The following POLE variants were observed in gnomAD, a reference collection of about 807,000 sequenced individuals.
POLE encodes DNA polymerase epsilon, catalytic subunit.
In POLE, 188 loss-of-function variants were observed where a neutral mutation model predicts 279.2. The observed-to-expected ratio is 0.67, with a 90% confidence interval of 0.60 to 0.76. The LOEUF (loss-of-function observed/expected upper bound fraction) is 0.76. POLE is among the 30% of genes least tolerant of loss of function. The pLI, the probability that POLE is intolerant of heterozygous loss-of-function variation, is 0.00. For missense variants in POLE, 2,703 were observed against 3,016.7 expected (o/e 0.90, Z 2.44); for synonymous variants, 1,214 against 1,172.5 (o/e 1.04, Z -0.72).
chr12:132,628,644 TCAAAACAAAACAAAACAAAACAAAA>T (rs113536517), intron 45 of POLE, among the ~76,000 whole-genome samples: 75,410 of 150,674 alleles, frequency 0.5, 19,435 homozygotes, highest in East Asian at 0.7. Flanking sequence ...AGGCTCCATC[TCAAAACAAAACAAAACAAAACAAAA>T]CAAAACAAAA....
At chr12:132,660,646 G>A in intron 25 of POLE, 1 of 236,142 alleles carries the variant, frequency 4.2e-6, no homozygotes, top group Admixed American at 5.4e-5. Context: ...CTGGAGTGCA[G>A]TGGTGCAGTC....
Position 132,634,069 on chromosome 12 carries a change from C to T in POLE, c.6004+117G>A, listed in dbSNP as rs1468913614. 1 of 961,646 alleles carries T rather than the reference C, an allele frequency of 1.0e-6. No homozygotes were observed. The highest frequency in any genetic ancestry group is 1.6e-5 in the African/African-American group (1 of 60,954). 59.6% of individuals were successfully genotyped at this position (961,646 alleles called of 1,614,324 possible). A position where few individuals can be genotyped will look rare whatever the true frequency, so the allele number is the denominator to read the frequency against. ...CACAAAGTCCCAACTGCTGGGCAGGCTCCGCCCGATCTGATTTTCCCTGTC... is the reference window on the plus strand; with the variant it reads ...CACAAAGTCCCAACTGCTGGGCAGGTTCCGCCCGATCTGATTTTCCCTGTC... On this transcript the variant is annotated intron_variant, in intron 43 of 48. Coordinates refer to ENST00000320574, the MANE Select transcript of POLE (RefSeq NM_006231.4). The surrounding 1 kb of genome is among the most constrained non-coding windows in gnomAD (Gnocchi z 4.0).
Position 132,673,566 on chromosome 12 carries a change from C to T in POLE, c.1359+9G>A, listed in dbSNP as rs75135381. Reference sequence around the variant, plus strand: ...GGCAGCAGGGGCAGCCGGGATGTGGCTTACGTGCCTGGGGCTGCTCCGTGG... The same window carrying T: ...GGCAGCAGGGGCAGCCGGGATGTGGTTTACGTGCCTGGGGCTGCTCCGTGG... On this transcript the variant is annotated intron_variant, in intron 13 of 48. Transcript: ENST00000320574. 8.2e-4 allele frequency: 1,314 copies of T among 1,601,796 alleles called. 9 individuals carry two copies. The African/African-American group carries it at 0.015, about 18-fold the overall frequency.
At position 132,664,588 on chromosome 12, in the gene POLE, C is replaced by A; in HGVS notation, c.2469-126G>T. 1.4e-6 allele frequency: 1 copy of A among 723,494 alleles called. No individual in the cohort carries two copies. Among genetic ancestry groups the A allele is most frequent in the Admixed American group, 2.0e-5 (1 of 49,260 alleles). 44.8% of individuals were successfully genotyped at this position (723,494 alleles called of 1,614,324 possible). The stretch of plus-strand genomic sequence containing the variant: ...GGGACAAGGGAAGCAGCCAAATGTG[C>A]GTGCACCAGGACAGAACTAAGGTGG... On this transcript the variant is annotated intron_variant, in intron 21 of 48. Transcript: ENST00000320574. This position sits in a 1 kb window ranked among gnomAD's most constrained non-coding sequence, Gnocchi z 5.3.
rs1555300726 is a variant in POLE, at chr12:132,624,757, C to G, written c.6801G>C (p.Met2267Ile). ...ACTCCAGGGTCTCCAGGAGGTACGACATGCCGTAGTGCTGGGCAATGTTCC... is the reference window on the plus strand; with the variant it reads ...ACTCCAGGGTCTCCAGGAGGTACGAGATGCCGTAGTGCTGGGCAATGTTCC... ...IFRNIAQHYG[M>I]SYLLETLEWL... Residue 2267 changes from methionine to isoleucine, a missense_variant, in exon 49 of 49, where the codon ATG becomes ATC. Met to Ile is a conservative substitution (Grantham distance 10). This residue lies in a region of POLE where 1,551 missense variants were observed against 1,686.1 expected (regional missense o/e 0.92). Transcript: ENST00000320574. 3 of 1,613,982 alleles carry G rather than the reference C, an allele frequency of 1.9e-6. No homozygotes were observed. In the Admixed American group the frequency reaches 5.0e-5, roughly 27 times the overall value.
At chr12:132,631,798 TTCACCAACACACCAAGC>T (rs2041938748) in intron 45 of POLE, among the ~76,000 whole-genome samples, 1 of 152,152 alleles carries the variant, frequency 6.6e-6, no homozygotes, top group Non-Finnish European at 1.5e-5. Flanking sequence ...CGGCTGTGCC[TTCACCAACACACCAAGC>T]TCACCCCCCA....
Position 132,675,655 on chromosome 12 carries a change from C to T in POLE, c.1106+80G>A. The T allele has an allele frequency of 1.3e-6, 2 of 1,565,986 alleles. No homozygotes were observed. Among genetic ancestry groups the T allele is most frequent in the Non-Finnish European group, 1.8e-6 (2 of 1,138,618 alleles). The stretch of plus-strand genomic sequence containing the variant: ...ACCCAGGAGCCACCTCCTAAGTCGA[C>T]ATGGGAAGCGCCCCTGCACCACGCA... On this transcript the variant is annotated intron_variant, in intron 11 of 48. Coordinates refer to ENST00000320574, the MANE Select transcript of POLE (RefSeq NM_006231.4). The surrounding 1 kb of genome is among the most constrained non-coding windows in gnomAD (Gnocchi z 4.3).
At chr12:132,645,289 T>C (rs554776277) in intron 32 of POLE, among the ~76,000 whole-genome samples, 80 of 105,578 alleles carry the variant, frequency 7.6e-4, no homozygotes, top group Middle Eastern at 6.3e-3. Context: ...GGGGGAATTC[T>C]GGAGAGGCGA....
chr12:132,687,277 T>C lies in POLE; in HGVS notation c.39A>G (p.Pro13=), dbSNP rs1555231415. The C allele has an allele frequency of 6.7e-7, 1 of 1,498,890 alleles. No homozygotes were observed. The highest frequency in any genetic ancestry group is 1.5e-5 in the African/African-American group (1 of 68,898). 92.8% of individuals were successfully genotyped at this position (1,498,890 alleles called of 1,614,324 possible). The change falls in exon 1 of 49, where the codon CCA becomes CCG. Residue 13 remains proline, a synonymous_variant. Coordinates refer to ENST00000320574, the MANE Select transcript of POLE (RefSeq NM_006231.4). ...ACCTGCTGGCCTCGCCATCCGCGCC[T>C]GGGTCCGCGCGCCGCCGCCCGCCGC... ...LRSGGRRRAD[P]GADGEASRDD... is the part of the protein sequence containing the mutation.
At chr12:132,686,701 C>G (rs989093428) in intron 1 of POLE, among the ~76,000 whole-genome samples, 1 of 152,122 alleles carries the variant, frequency 6.6e-6, no homozygotes, top group Non-Finnish European at 1.5e-5. Context: ...CGCCACTGCA[C>G]TCCAGCCTGG....
In POLE at chr12:132,643,935, A is replaced by G. The variant is rs1368082934; in HGVS notation, c.4192T>C (p.Tyr1398His). ...ATGTCCTCTGGCACTGAATACTCAT[A>G]GAGATTGTAGACCATGTTGGAGCGA... ...LPRSNMVYNL[Y>H]EYSVPEDMYQ... The change falls in exon 33 of 49, where the codon TAT becomes CAT. Residue 1398 changes from tyrosine to histidine, a missense_variant. By Grantham distance (83) the Tyr-to-His change is moderately conservative. This residue lies in a region of POLE where 1,551 missense variants were observed against 1,686.1 expected (regional missense o/e 0.92). Coordinates refer to ENST00000320574, the MANE Select transcript of POLE (RefSeq NM_006231.4). 1 of 1,613,390 alleles carries G rather than the reference A, an allele frequency of 6.2e-7. No individual in the cohort carries two copies.
chr12:132,680,026 T>G lies in POLE; in HGVS notation c.351A>C (p.Ser117=), dbSNP rs199773841. The G allele has an allele frequency of 2.5e-6, 4 of 1,613,966 alleles. No individual in the cohort carries two copies. Among genetic ancestry groups the G allele is most frequent in the Non-Finnish European group, 3.4e-6 (4 of 1,179,882 alleles). The change falls in exon 5 of 49, where the codon TCA becomes TCC. Residue 117 remains serine (S), a synonymous_variant. Coordinates refer to ENST00000320574, the MANE Select transcript of POLE (RefSeq NM_006231.4). The part of the protein sequence containing the change: ...ATRKGCEREV[S]SFLSKKFQGK... The stretch of plus-strand genomic sequence containing the variant: ...CCTGAAACTTCTTGGAGAGAAAAGA[T>G]GAAACTTCTCGCTCACAACCCTAAT...
In POLE at chr12:132,661,834, T is replaced by A. The variant is rs2135950386; in HGVS notation, c.2707-150A>T. 2.6e-6 allele frequency: 2 copies of A among 762,952 alleles called. No individual in the cohort carries two copies. Among genetic ancestry groups the A allele is most frequent in the East Asian group, 5.2e-5 (2 of 38,358 alleles). The allele number at this position is 762,952 out of a possible 1,614,324, so 47.3% of individuals were successfully genotyped here. On this transcript the variant is annotated intron_variant, in intron 23 of 48. Coordinates refer to ENST00000320574, the MANE Select transcript of POLE (RefSeq NM_006231.4). This position sits in a 1 kb window ranked among gnomAD's most constrained non-coding sequence, Gnocchi z 4.1. ...TTGGCAGCAGGAAGGAAGGAAGTTC[T>A]GATGCATGCAACCAAGTGGTGAAAC...
chr12:132,655,427 T>C (rs917757389), intron 29 of POLE, among the ~76,000 whole-genome samples: 1 of 152,214 alleles, frequency 6.6e-6, no homozygotes, highest in Non-Finnish European at 1.5e-5. Context: ...TTGAAAAGGA[T>C]AGGTATTCTC....
At chr12:132,663,282 G>A (rs1210911662) in intron 23 of POLE, among the ~76,000 whole-genome samples, 1 of 152,242 alleles carries the variant, frequency 6.6e-6, no homozygotes, top group Non-Finnish European at 1.5e-5. Flanking sequence ...GAGCGCCACA[G>A]TAAGGCCTGC....
Position 132,661,498 on chromosome 12 carries a change from CT to C in POLE, c.2864+28del. 2 of 1,611,366 alleles carry C rather than the reference CT, an allele frequency of 1.2e-6. No individual in the cohort carries two copies. The highest frequency in any genetic ancestry group is 4.5e-5 in the East Asian group (2 of 44,866). ...TAATCTATCTCAATCCATGTCCTTT[CT>C]AAAGCACAAAAGCTATGAGAGTCCC... is the stretch of plus-strand genomic sequence containing the variant. On this transcript the variant is annotated intron_variant, in intron 24 of 48. Transcript: ENST00000320574. The surrounding 1 kb of genome is among the most constrained non-coding windows in gnomAD (Gnocchi z 4.1).
chr12:132,654,734 G>A (rs1013793643), intron 29 of POLE, among the ~76,000 whole-genome samples: 5 of 152,180 alleles, frequency 3.3e-5, no homozygotes, highest in Admixed American at 6.5e-5. Context: ...CAAGGCTGCA[G>A]TGAGCCATGA....
Position 132,636,096 on chromosome 12 carries a change from T to C in POLE, c.5679-72A>G, listed in dbSNP as rs2042026935. On this transcript the variant is annotated intron_variant, in intron 41 of 48. Coordinates refer to ENST00000320574, the MANE Select transcript of POLE (RefSeq NM_006231.4). Reference sequence around the variant, plus strand: ...TTCTCAACTTTCCTTTATTTCCCCTTGTATCTATCTGTACCCTCCACTTAC... The same window carrying C: ...TTCTCAACTTTCCTTTATTTCCCCTCGTATCTATCTGTACCCTCCACTTAC... 16 of 1,487,074 alleles carry C rather than the reference T, an allele frequency of 1.1e-5. No homozygotes were observed. The Admixed American group carries it at 2.2e-4, about 21-fold the overall frequency. The allele number at this position is 1,487,074 out of a possible 1,614,324, so 92.1% of individuals were successfully genotyped here.
In POLE at chr12:132,624,462, C is replaced by G. The variant is rs2041789249; in HGVS notation, c.*235G>C. 1.7e-6 allele frequency: 1 copy of G among 584,020 alleles called. No homozygotes were observed. Among genetic ancestry groups the G allele is most frequent in the African/African-American group, 1.9e-5 (1 of 53,598 alleles). 36.2% of individuals were successfully genotyped at this position (584,020 alleles called of 1,614,324 possible). A position where few individuals can be genotyped will look rare whatever the true frequency, so the allele number is the denominator to read the frequency against. On this transcript the variant is annotated 3_prime_UTR_variant, in exon 49 of 49. Coordinates refer to ENST00000320574, the MANE Select transcript of POLE (RefSeq NM_006231.4). The stretch of plus-strand genomic sequence containing the variant: ...AGGGCACTCGCAGCCTCGCTCACGG[C>G]CTGCTTCTTCAGGTGCTCTGGCGAG...
Sources: gnomAD v4.1 joint callset for allele counts (sites outside exome capture counted in the v4.1 genomes callset) on GRCh38, gnomAD v4.1.1 for gene constraint, gnomAD v4.1.1 regional missense constraint, Gnocchi (gnomAD v3.1) non-coding constraint, MANE v1.5 for transcripts, NCBI Gene and HGNC (gene_info 2026-07-23, HGNC 2026-07-21) for gene names.